MAP2K7: variants seen among roughly 807,000 people sequenced by gnomAD.
The protein encoded by MAP2K7 is mitogen-activated protein kinase kinase 7, also known as dual specificity mitogen-activated protein kinase kinase 7.
In MAP2K7, 12 loss-of-function variants were observed where a neutral mutation model predicts 47.7. The observed-to-expected ratio is 0.25, with a 90% CI of 0.16 to 0.41. The LOEUF is 0.41. MAP2K7 is among the 10% of genes least tolerant of loss of function. The probability of loss-of-function intolerance (pLI) is 1.00; values close to 1 mark genes in which losing one functional copy is unlikely to be tolerated. For synonymous variants in MAP2K7, 299 were observed against 243.0 expected, an observed-to-expected ratio of 1.23 and a Z score of -2.14; for missense variants, 415 against 600.3, an observed-to-expected ratio of 0.69 and a Z score of 3.23.
rs373957718 is a variant in MAP2K7 at position 7,911,129 on chromosome 19, G to T, written c.825G>T (p.Thr275=). ...SGRLVDSKAK[T]RSAGCAAYMA... Reference sequence around the variant, plus strand: ...GCCTGGTGGACTCCAAAGCCAAGACGCGGAGCGCCGGCTGTGCCGCCTACA... The same window carrying T: ...GCCTGGTGGACTCCAAAGCCAAGACTCGGAGCGCCGGCTGTGCCGCCTACA... The change falls in exon 7 of 11, where the codon ACG becomes ACT. Residue 275 remains threonine (T), a synonymous_variant. Coordinates refer to ENST00000397979, the MANE Select transcript of MAP2K7 (RefSeq NM_145185.4). 1.1e-5 allele frequency: 17 copies of T among 1,611,346 alleles called. No individual in the cohort carries two copies. The Admixed American group carries it at 2.7e-4, about 25-fold the overall frequency.
At chr19:7,904,231 G>A (rs928400848) in intron 1 of MAP2K7, among the ~76,000 whole-genome samples, 163 bp downstream of exon 1, 1 of 151,990 alleles carries the variant, frequency 6.6e-6, no homozygotes, top group African/African-American at 2.4e-5. Flanking sequence ...CGGTGACCCG[G>A]GGGGCGTGGA....
chr19:7,907,325 G>A (rs906112663), intron 1 of MAP2K7, among the ~76,000 whole-genome samples: 2 of 152,138 alleles, frequency 1.3e-5, no homozygotes, highest in African/African-American at 4.8e-5. Flanking sequence ...ATGTGTGTCC[G>A]AGGGCAAGGG....
chr19:7,911,645 G>A lies in MAP2K7; in HGVS notation c.1079+67G>A, dbSNP rs574746823. ...TGCTCTGGGCAGCTGGGGAGGCAAT[G>A]GCAGGAGGGGAATGGAGGCCGCACC... is the stretch of plus-strand genomic sequence containing the variant. On this transcript the variant is annotated intron_variant, in intron 9 of 10. Coordinates refer to ENST00000397979, the MANE Select transcript of MAP2K7 (RefSeq NM_145185.4). 359 of 1,451,344 alleles carry A rather than the reference G, an allele frequency of 2.5e-4. 2 individuals carry two copies. Among genetic ancestry groups the A allele is most frequent in the Middle Eastern group, 2.4e-4 (1 of 4,158 alleles). 89.9% of individuals were successfully genotyped at this position (1,451,344 alleles called of 1,614,324 possible). A position where few individuals can be genotyped will look rare whatever the true frequency, so the allele number is the denominator to read the frequency against.
chr19:7,911,420 C>T lies in MAP2K7; in HGVS notation c.937-16C>T, dbSNP rs766781461. 5 of 1,613,174 alleles carry T rather than the reference C, an allele frequency of 3.1e-6. No homozygotes were observed. The highest frequency in any genetic ancestry group is 4.2e-6 in the Non-Finnish European group (5 of 1,179,818). ...GAGAACATAAACCTGTCCAGCCCTG[C>T]CCGTCTCCCTCCCAGGTGGAGCTGG... On this transcript the variant is annotated splice_polypyrimidine_tract_variant and intron_variant, in intron 8 of 10. Transcript: ENST00000397979.
At position 7,911,171 on chromosome 19, in the gene MAP2K7, C is replaced by A. The variant is rs1452161187; in HGVS notation, c.855+12C>A. The A allele has an allele frequency of 1.1e-5, 17 of 1,607,226 alleles. No homozygotes were observed. Among genetic ancestry groups the A allele is most frequent in the Non-Finnish European group, 1.4e-5 (16 of 1,176,676 alleles). ...CCGCCTACATGGCAGTGAGTGGGGG[C>A]CCCCCAGCGGGGGAGGGGGTGGGGG... is the stretch of plus-strand genomic sequence containing the variant. On this transcript the variant is annotated intron_variant, in intron 7 of 10. Transcript: ENST00000397979.
At chr19:7,905,728 T>G in intron 1 of MAP2K7, 2 of 1,259,832 alleles carry the variant, frequency 1.6e-6, no homozygotes, top group Non-Finnish European at 2.3e-6. Flanking sequence ...TATGATTTGA[T>G]TTCTTTTCTT....
intron 1 of MAP2K7, among the ~76,000 whole-genome samples, chr19:7,908,743 C>T (rs1982620895): frequency 6.6e-6 from 1 of 152,050 alleles, no homozygotes; most frequent in Non-Finnish European, 1.5e-5. Context: ...AGCATCCCGG[C>T]CTCTGTTCCT....
Position 7,910,490 on chromosome 19 carries a change from G to A in MAP2K7, c.485G>A (p.Arg162His). The change falls in exon 5 of 11, where the codon CGC becomes CAC. Residue 162 changes from arginine to histidine, a missense_variant. Physicochemically the swap from Arg to His is conservative, Grantham distance 29 (BLOSUM62 0). Coordinates refer to ENST00000397979, the MANE Select transcript of MAP2K7 (RefSeq NM_145185.4). Reference protein sequence around the residue: ...RRSGNKEENKRILMDLDVVLK... With the variant: ...RRSGNKEENKHILMDLDVVLK... Reference sequence around the variant, plus strand: ...TCCGGGAACAAGGAGGAGAACAAGCGCATCCTCATGGACCTGGATGTGGTG... The same window carrying A: ...TCCGGGAACAAGGAGGAGAACAAGCACATCCTCATGGACCTGGATGTGGTG... 1 of 1,612,414 alleles carries A rather than the reference G, an allele frequency of 6.2e-7. No homozygotes were observed.
In MAP2K7 at chr19:7,908,953, C is replaced by A. The variant is rs1222042337; in HGVS notation, c.125-802C>A. Among the ~76,000 whole-genome samples, 4 of 152,086 alleles carry A rather than the reference C, an allele frequency of 2.6e-5. No individual in the cohort carries two copies. In the South Asian group the frequency reaches 8.3e-4, roughly 31 times the overall value. ...CACCCCAGGGTGCCTGCTGCCTGCCCGCCGCCTGCCCACCCGCTGTAGCAT... is the reference window on the plus strand; with the variant it reads ...CACCCCAGGGTGCCTGCTGCCTGCCAGCCGCCTGCCCACCCGCTGTAGCAT... On this transcript the variant is annotated intron_variant, in intron 1 of 10. Transcript: ENST00000397979.
At chr19:7,909,446 T>G (rs56249748) in intron 1 of MAP2K7, among the ~76,000 whole-genome samples, 24,467 of 152,264 alleles carry the variant, frequency 0.16, 2,600 homozygotes, top group Middle Eastern at 0.23. Context: ...GGAGGCCCCC[T>G]GGCCGAGGGA....
chr19:7,908,610 G>A (rs1346109416), intron 1 of MAP2K7, among the ~76,000 whole-genome samples: 1 of 152,128 alleles, frequency 6.6e-6, no homozygotes, highest in African/African-American at 2.4e-5. Context: ...CTTGTTGGCT[G>A]AGGGCTTTGG....
chr19:7,911,874 C>T (rs981738353), intron 9 of MAP2K7, among the ~76,000 whole-genome samples: 3 of 152,170 alleles, frequency 2.0e-5, no homozygotes, highest in African/African-American at 4.8e-5. Context: ...GGGCCATGTT[C>T]GATTCTCTCA....
Position 7,911,378 on chromosome 19 carries a change from G to A in MAP2K7, c.936+48G>A, listed in dbSNP as rs754572450. ...TCTCCAGCCAGGAGTGAGGGCTTCT[G>A]GGGGACTCGGAGGGAGGAGAACATA... is the stretch of plus-strand genomic sequence containing the variant. On this transcript the variant is annotated intron_variant, in intron 8 of 10. Transcript: ENST00000397979. 31 of 1,613,302 alleles carry A rather than the reference G, an allele frequency of 1.9e-5. No homozygotes were observed. The Admixed American group carries it at 5.2e-4, about 27-fold the overall frequency.
intron 1 of MAP2K7, 63 bp downstream of exon 1, chr19:7,904,131 C>G (rs1319984480): frequency 8.4e-7 from 1 of 1,185,558 alleles, no homozygotes; most frequent in Non-Finnish European, 1.0e-6. Flanking sequence ...CGCGGGAGGC[C>G]CCGCCCCCAC....
intron 1 of MAP2K7, 28 bp downstream of exon 1, chr19:7,904,096 CGGGCGGGCG>C: frequency 3.3e-4 from 6 of 18,454 alleles, no homozygotes; most frequent in Non-Finnish European, 6.4e-4. Context: ...GGGGAGGGGG[CGGGCGGGCG>C]GGGCGGGGCG....
Position 7,912,444 on chromosome 19 carries a change from G to A in MAP2K7, c.*13G>A, listed in dbSNP as rs778244280. ...CTTCTTCAGGTAGCTGCTTGGCGGC[G>A]GCCAGCCCCACAGGGGGCCAGGGGC... On this transcript the variant is annotated 3_prime_UTR_variant, in exon 11 of 11. Transcript: ENST00000397979. 4.9e-5 allele frequency: 79 copies of A among 1,606,038 alleles called. No individual in the cohort carries two copies. The highest frequency in any genetic ancestry group is 5.9e-5 in the Non-Finnish European group (70 of 1,178,524).
chr19:7,909,104 G>A (rs1982647739), intron 1 of MAP2K7, among the ~76,000 whole-genome samples: 1 of 152,196 alleles, frequency 6.6e-6, no homozygotes, highest in Non-Finnish European at 1.5e-5. Context: ...GAGGATGCAG[G>A]CCCCCTGAGG....
intron 5 of MAP2K7, 34 bp from the exon 6 acceptor site, chr19:7,910,662 G>A (rs1555701036): frequency 6.2e-7 from 1 of 1,607,130 alleles, no homozygotes; most frequent in Non-Finnish European, 8.5e-7. Context: ...TGGGCCGGAA[G>A]ACACAGCTCC....
Position 7,910,462 on chromosome 19 carries a change from C to T in MAP2K7, c.457C>T (p.Arg153Cys). 2 of 1,607,694 alleles carry T rather than the reference C, an allele frequency of 1.2e-6. No homozygotes were observed. The highest frequency in any genetic ancestry group is 1.7e-6 in the Non-Finnish European group (2 of 1,177,322). Residue 153 changes from arginine to cysteine, a missense_variant, in exon 5 of 11, where the codon CGC becomes TGC. This residue lies in a region of MAP2K7 where 206 missense variants were observed against 368.8 expected (regional missense o/e 0.56). Coordinates refer to ENST00000397979, the MANE Select transcript of MAP2K7 (RefSeq NM_145185.4). ...GTCCCTGCCTGTGCAGCAAATGCGG[C>T]GCTCCGGGAACAAGGAGGAGAACAA... The part of the protein sequence containing the change: ...GHVIAVKQMR[R>C]SGNKEENKRI...
Sources: allele counts gnomAD v4.1 joint callset (sites outside exome capture counted in the v4.1 genomes callset), GRCh38; gene constraint gnomAD v4.1.1; regional missense constraint gnomAD v4.1.1; transcripts MANE v1.5; gene names NCBI Gene and HGNC (gene_info 2026-07-23, HGNC 2026-07-21).